Variants in ADGRA2 observed in about 807,000 individuals in gnomAD.
The protein encoded by ADGRA2 is adhesion G protein-coupled receptor A2, also known as G-protein coupled receptor 124.
ADGRA2 carries 61 observed loss-of-function variants against 98.7 expected under a neutral mutation model. That is an observed-to-expected ratio of 0.62 (90% CI 0.50 to 0.76). The LOEUF (loss-of-function observed/expected upper bound fraction) is 0.76. Ranked by LOEUF, ADGRA2 falls within the 30% of genes least tolerant of loss-of-function variation. ADGRA2 has a pLI of 0.00. For missense variants in ADGRA2, 1,712 were observed against 1,860.0 expected, an observed-to-expected ratio of 0.92 and a Z score of 1.46; for synonymous variants, 858 against 831.5, an observed-to-expected ratio of 1.03 and a Z score of -0.55.
At position 37,798,999 on chromosome 8, in the gene ADGRA2, C is replaced by G. The variant is rs562976924; in HGVS notation, c.266+1465C>G. On this transcript the variant is annotated intron_variant, in intron 1 of 18. Coordinates refer to ENST00000412232, the MANE Select transcript of ADGRA2 (RefSeq NM_032777.10). ...AGGGTCCAGGCAGGCCTGGGCATTC[C>G]CCAGCTCACTTAGTTCTGGAGGAGA... Among the ~76,000 whole-genome samples the G allele has an allele frequency of 3.9e-5, 6 of 152,296 alleles. No homozygotes were observed. In the South Asian group the frequency reaches 8.3e-4, roughly 21 times the overall value.
chr8:37,838,552 C>T (rs892504971), intron 14 of ADGRA2, among the ~76,000 whole-genome samples: 3 of 152,148 alleles, frequency 2.0e-5, no homozygotes, highest in Non-Finnish European at 4.4e-5. Context: ...CGTGCCCAGC[C>T]GAGACTAGAT....
At chr8:37,828,539 T>C (rs1805350521) in intron 2 of ADGRA2, among the ~76,000 whole-genome samples, 1 of 134,572 alleles carries the variant, frequency 7.4e-6, no homozygotes, top group Non-Finnish European at 1.5e-5. Context: ...CAGGCTGGAG[T>C]GCAGTGGCGC....
Position 37,797,353 on chromosome 8 carries a change from C to A in ADGRA2, c.85C>A (p.Pro29Thr), listed in dbSNP as rs911359669. The change falls in exon 1 of 19, where the codon CCC becomes ACC. Residue 29 changes from proline (P) to threonine (T), a missense_variant. Pro to Thr is a conservative substitution (Grantham distance 38). Transcript: ENST00000412232. The surrounding 1 kb of genome is among the most constrained non-coding windows in gnomAD (Gnocchi z 5.3). ...GCCGTGGCTCCTGCTGCTCCTGGCG[C>A]CCGAGGCTCGGGGCGCGCCCGGCTG... ...LLPWLLLLLA[P>T]EARGAPGCPL... 1.4e-6 allele frequency: 2 copies of A among 1,408,800 alleles called. No individual in the cohort carries two copies. The highest frequency in any genetic ancestry group is 3.1e-5 in the East Asian group (1 of 32,764). 87.3% of individuals were successfully genotyped at this position (1,408,800 alleles called of 1,614,324 possible).
chr8:37,801,975 A>G (rs1211569728), intron 1 of ADGRA2, among the ~76,000 whole-genome samples: 1 of 152,212 alleles, frequency 6.6e-6, no homozygotes, highest in African/African-American at 2.4e-5. Context: ...GCAAACCCTC[A>G]ACCTGCTCGG....
chr8:37,797,521 G>T lies in ADGRA2; in HGVS notation c.253G>T (p.Gly85Cys). Residue 85 changes from glycine to cysteine, a missense_variant, in exon 1 of 19, where the codon GGC becomes TGC. By Grantham distance (159) the Gly-to-Cys change is radical. Coordinates refer to ENST00000412232, the MANE Select transcript of ADGRA2 (RefSeq NM_032777.10). The surrounding 1 kb of genome is among the most constrained non-coding windows in gnomAD (Gnocchi z 5.3). Reference sequence around the variant, plus strand: ...TCCCGAGCCCGGCCTTCTGCCTAACGGCACCGTTACCCTGTGAGTACCCTA... The same window carrying T: ...TCCCGAGCCCGGCCTTCTGCCTAACTGCACCGTTACCCTGTGAGTACCCTA... ...EPPEPGLLPN[G>C]TVTLLLSNNK... 1 of 1,403,142 alleles carries T rather than the reference G, an allele frequency of 7.1e-7. No individual in the cohort carries two copies. The highest frequency in any genetic ancestry group is 9.3e-7 in the Non-Finnish European group (1 of 1,075,074). 86.9% of individuals were successfully genotyped at this position (1,403,142 alleles called of 1,614,324 possible). A position where few individuals can be genotyped will look rare whatever the true frequency, so the allele number is the denominator to read the frequency against.
intron 18 of ADGRA2, 43 bp downstream of exon 18, chr8:37,840,892 C>A: frequency 1.1e-6 from 1 of 875,082 alleles, no homozygotes; most frequent in South Asian, 1.3e-5. Flanking sequence ...CTACCTAACA[C>A]CAGATGCCTT....
At chr8:37,810,433 C>G (rs1355215519) in intron 1 of ADGRA2, among the ~76,000 whole-genome samples, 1 of 151,976 alleles carries the variant, frequency 6.6e-6, no homozygotes, top group Admixed American at 6.6e-5. Flanking sequence ...CGCTTGAACC[C>G]AGGAGGCGGA....
In ADGRA2 at chr8:37,797,174, G is replaced by C; in HGVS notation, c.-95G>C. On this transcript the variant is annotated 5_prime_UTR_variant, in exon 1 of 19. Transcript: ENST00000412232. The surrounding 1 kb of genome is among the most constrained non-coding windows in gnomAD (Gnocchi z 5.3). The stretch of plus-strand genomic sequence containing the variant: ...CCCCTCCACGCCCTCGGGAGCCCCG[G>C]GCCCCCGCTGAGCACTCCTCCCGCA... 9.9e-7 allele frequency: 1 copy of C among 1,013,954 alleles called. No homozygotes were observed. Among genetic ancestry groups the C allele is most frequent in the South Asian group, 5.0e-5 (1 of 20,142 alleles). 62.8% of individuals were successfully genotyped at this position (1,013,954 alleles called of 1,614,324 possible).
Position 37,833,428 on chromosome 8 carries a change from A to G in ADGRA2, c.1296+220A>G, listed in dbSNP as rs531356283. Reference sequence around the variant, plus strand: ...GGAAGGGCACCAGTCCTCTGTCCCCATCTGGCCACCTCACGCCCCTTTACT... The same window carrying G: ...GGAAGGGCACCAGTCCTCTGTCCCCGTCTGGCCACCTCACGCCCCTTTACT... On this transcript the variant is annotated intron_variant, in intron 9 of 18. Transcript: ENST00000412232. Among the ~76,000 whole-genome samples, 5 of 152,294 alleles carry G rather than the reference A, an allele frequency of 3.3e-5. No homozygotes were observed. In the South Asian group the frequency reaches 1.0e-3, roughly 32 times the overall value.
Position 37,814,868 on chromosome 8 carries a change from CCTGT to C in ADGRA2, c.267-23_267-20del. 6.4e-7 allele frequency: 1 copy of C among 1,551,690 alleles called. No individual in the cohort carries two copies. The highest frequency in any genetic ancestry group is 8.9e-7 in the Non-Finnish European group (1 of 1,123,112). On this transcript the variant is annotated intron_variant, in intron 1 of 18. Transcript: ENST00000412232. This position sits in a 1 kb window ranked among gnomAD's most constrained non-coding sequence, Gnocchi z 4.3. ...TGCCCAGCACATAACAGCACCTTGT[CCTGT>C]CTGTGTCCTCTCTGTCTCTTCAGGC...
In ADGRA2 at chr8:37,797,304, C is replaced by G; in HGVS notation, c.36C>G (p.Pro12=). 7.6e-7 allele frequency: 1 copy of G among 1,314,930 alleles called. No homozygotes were observed. Among genetic ancestry groups the G allele is most frequent in the Non-Finnish European group, 9.6e-7 (1 of 1,039,636 alleles). 81.5% of individuals were successfully genotyped at this position (1,314,930 alleles called of 1,614,324 possible). The change falls in exon 1 of 19, where the codon CCC becomes CCG. Residue 12 remains proline (P), a synonymous_variant. Coordinates refer to ENST00000412232, the MANE Select transcript of ADGRA2 (RefSeq NM_032777.10). The surrounding 1 kb of genome is among the most constrained non-coding windows in gnomAD (Gnocchi z 5.3). The stretch of plus-strand genomic sequence containing the variant: ...GGGGACGCAGGATGCGGGGGGCGCC[C>G]GCGCGCCTGCTGCTGCCGCTGCTGC... The part of the protein sequence containing the change: ...GAGGRRMRGA[P]ARLLLPLLPW...
At chr8:37,822,061 G>T (rs1805142459) in intron 2 of ADGRA2, among the ~76,000 whole-genome samples, 1 of 152,136 alleles carries the variant, frequency 6.6e-6, no homozygotes, top group Non-Finnish European at 1.5e-5. Flanking sequence ...CAGCCCTCTT[G>T]TTTGCCATGG....
In ADGRA2 at chr8:37,797,290, A is replaced by C; in HGVS notation, c.22A>C (p.Met8Leu). 3 of 1,306,888 alleles carry C rather than the reference A, an allele frequency of 2.3e-6. No individual in the cohort carries two copies. Among genetic ancestry groups the C allele is most frequent in the Non-Finnish European group, 2.9e-6 (3 of 1,035,070 alleles). The allele number at this position is 1,306,888 out of a possible 1,614,324, so 81.0% of individuals were successfully genotyped here. The change falls in exon 1 of 19, where the codon ATG (methionine) becomes CTG (leucine). Residue 8 changes from methionine (M) to leucine (L), a missense_variant. By Grantham distance (15) the Met-to-Leu change is conservative (BLOSUM62 2). Coordinates refer to ENST00000412232, the MANE Select transcript of ADGRA2 (RefSeq NM_032777.10). The surrounding 1 kb of genome is among the most constrained non-coding windows in gnomAD (Gnocchi z 5.3). ...GTTGATGGGCGCCGGGGGACGCAGG[A>C]TGCGGGGGGCGCCCGCGCGCCTGCT... The part of the protein sequence containing the change: MGAGGRR[M>L]RGAPARLLLP...
intron 1 of ADGRA2, among the ~76,000 whole-genome samples, chr8:37,805,895 AAAC>A (rs1585966481): frequency 8.6e-5 from 13 of 151,962 alleles, no homozygotes; most frequent in Middle Eastern, 3.4e-3. Context: ...ACAAACAAAC[AAAC>A]ACTTTTTTTT....
Position 37,842,071 on chromosome 8 carries a change from G to C in ADGRA2, c.3733G>C (p.Glu1245Gln). 1 of 1,517,172 alleles carries C rather than the reference G, an allele frequency of 6.6e-7. No homozygotes were observed. 94.0% of individuals were successfully genotyped at this position (1,517,172 alleles called of 1,614,324 possible). The stretch of plus-strand genomic sequence containing the variant: ...CAGCCCGGGCGCCGGCCTGCAGCTG[G>C]AAGGCGAGCCCATGCTCACGCCGTC... ...RNSPGAGLQL[E>Q]GEPMLTPSEG... Residue 1245 changes from glutamate (E) to glutamine (Q), a missense_variant, in exon 19 of 19, where the codon GAA becomes CAA. Transcript: ENST00000412232.
At chr8:37,807,022 C>G (rs529908742) in intron 1 of ADGRA2, among the ~76,000 whole-genome samples, 1 of 152,340 alleles carries the variant, frequency 6.6e-6, no homozygotes, top group South Asian at 2.1e-4. Flanking sequence ...CACTGCAGGT[C>G]TGTTTTCTCT....
At chr8:37,812,062 A>G (rs1253637664) in intron 1 of ADGRA2, among the ~76,000 whole-genome samples, 3 of 151,964 alleles carry the variant, frequency 2.0e-5, no homozygotes, top group African/African-American at 7.2e-5. Context: ...ACATCGTGCC[A>G]TTGCACTCCA....
intron 1 of ADGRA2, among the ~76,000 whole-genome samples, chr8:37,800,643 C>T (rs1804475856): frequency 6.6e-6 from 1 of 152,084 alleles, no homozygotes; most frequent in African/African-American, 2.4e-5. Context: ...TAAGGTCTCT[C>T]AGTGTGTCAA....
chr8:37,838,934 C>T, intron 14 of ADGRA2, 22 bp from the exon 15 acceptor site: 2 of 1,549,490 alleles, frequency 1.3e-6, no homozygotes, highest in Non-Finnish European at 1.7e-6. Flanking sequence ...TTCCTCACGT[C>T]CTCCTTCCTG....
Sources: gnomAD v4.1 joint callset for allele counts (sites outside exome capture counted in the v4.1 genomes callset) on GRCh38, gnomAD v4.1.1 for gene constraint, Gnocchi (gnomAD v3.1) non-coding constraint, MANE v1.5 for transcripts, NCBI Gene and HGNC (gene_info 2026-07-23, HGNC 2026-07-21) for gene names.